DEFB104A: variants seen among roughly 807,000 people sequenced by gnomAD.
The protein encoded by DEFB104A is beta-defensin 104.
chr8:7,837,108 G>C (rs1398461871), intron 1 of DEFB104A, among the ~76,000 whole-genome samples: 1 of 141,048 alleles, frequency 7.1e-6, no homozygotes, highest in East Asian at 2.4e-4. Flanking sequence ...TTTGAACTCT[G>C]CTCAGGAAAT....
Position 7,838,907 on chromosome 8 carries a change from G to C in DEFB104A, c.59-2127G>C, listed in dbSNP as rs571775614. Among the ~76,000 whole-genome samples, 107 of 141,068 alleles carry C rather than the reference G, an allele frequency of 7.6e-4. 4 individuals carry two copies. Among genetic ancestry groups the C allele is most frequent in the Admixed American group, 1.4e-3 (20 of 14,002 alleles). 92.5% of individuals were successfully genotyped at this position (141,068 alleles called of 152,430 possible). A position where few individuals can be genotyped will look rare whatever the true frequency, so the allele number is the denominator to read the frequency against. On this transcript the variant is annotated intron_variant, in intron 1 of 1. Transcript: ENST00000314265. ...CCTGAGACCTGCCTAAGATTTTCTG[G>C]GTCTGTAGAGCAGAGGAGGAAAATT...
chr8:7,836,792 A>T lies in DEFB104A; in HGVS notation c.58+250A>T, dbSNP rs1585696995. ...GAAACGTAGGGATCAGGAGTCCTAG[A>T]TGTCCTTGGCACCCTGGCCACACAC... is the stretch of plus-strand genomic sequence containing the variant. On this transcript the variant is annotated intron_variant, in intron 1 of 1. Coordinates refer to ENST00000314265, the MANE Select transcript of DEFB104A (RefSeq NM_080389.3). Among the ~76,000 whole-genome samples the T allele has an allele frequency of 2.8e-5, 4 of 144,200 alleles. 1 individual carries two copies. In the East Asian group the frequency reaches 6.6e-4, roughly 24 times the overall value. 94.6% of individuals were successfully genotyped at this position (144,200 alleles called of 152,430 possible). A position where few individuals can be genotyped will look rare whatever the true frequency, so the allele number is the denominator to read the frequency against.
intron 1 of DEFB104A, among the ~76,000 whole-genome samples, chr8:7,840,364 A>AGG (rs199760931): frequency 0.13 from 7,688 of 60,668 alleles, 35 homozygotes; most frequent in East Asian, 0.15. Flanking sequence ...CTCTCTATAT[A>AGG]TGTGTATATA....
Position 7,839,378 on chromosome 8 carries a change from C to A in DEFB104A, c.59-1656C>A, listed in dbSNP as rs114733585. On this transcript the variant is annotated intron_variant, in intron 1 of 1. Coordinates refer to ENST00000314265, the MANE Select transcript of DEFB104A (RefSeq NM_080389.3). The stretch of plus-strand genomic sequence containing the variant: ...ATATCTGCTACTCAACCTCCACATA[C>A]TCCCTCAGCATGATACACACTGCAG... Among the ~76,000 whole-genome samples the A allele has an allele frequency of 7.2e-3, 1,038 of 144,250 alleles. 2 individuals carry two copies. Among genetic ancestry groups the A allele is most frequent in the African/African-American group, 0.025 (981 of 39,908 alleles). 94.6% of individuals were successfully genotyped at this position (144,250 alleles called of 152,430 possible).
intron 1 of DEFB104A, among the ~76,000 whole-genome samples, chr8:7,839,736 G>A (rs1382591744): frequency 1.6e-4 from 20 of 123,210 alleles, no homozygotes; most frequent in African/African-American, 4.7e-4. Flanking sequence ...AAGGACTTAA[G>A]GCTAAGATGA....
chr8:7,837,403 C>T (rs1207025067), intron 1 of DEFB104A, among the ~76,000 whole-genome samples: 3 of 142,508 alleles, frequency 2.1e-5, no homozygotes, highest in Admixed American at 7.3e-5. Flanking sequence ...CTTTGACAGA[C>T]ACCCAGCACC....
At chr8:7,836,811 C>T (rs1470474984) in intron 1 of DEFB104A, among the ~76,000 whole-genome samples, 2 of 143,160 alleles carry the variant, frequency 1.4e-5, no homozygotes, top group African/African-American at 5.3e-5. Context: ...GCACCCTGGC[C>T]ACACACGGTA....
chr8:7,837,559 T>C (rs1383399610), intron 1 of DEFB104A, among the ~76,000 whole-genome samples: 3 of 140,652 alleles, frequency 2.1e-5, no homozygotes, highest in Admixed American at 7.4e-5. Context: ...AATTCTGCTA[T>C]GGGCATGTTC....
intron 1 of DEFB104A, among the ~76,000 whole-genome samples, chr8:7,838,701 C>CAAACAAA (rs1554583354): frequency 2.4e-3 from 20 of 8,298 alleles, no homozygotes; most frequent in Non-Finnish European, 9.1e-3. Flanking sequence ...AAAAAACAAA[C>CAAACAAA]AAAAAAAAAA....
chr8:7,836,707 T>C (rs1409537965), intron 1 of DEFB104A, among the ~76,000 whole-genome samples, 165 bp downstream of exon 1: 1 of 146,804 alleles, frequency 6.8e-6, no homozygotes, highest in Non-Finnish European at 1.5e-5. Flanking sequence ...AAATGCAGTA[T>C]GTGGCAGTCC....
rs566399430 is a variant in DEFB104A at position 7,839,344 on chromosome 8, A to G, written c.59-1690A>G. 1.7e-3 allele frequency among the ~76,000 whole-genome samples: 252 copies of G among 145,662 alleles called. 3 individuals carry two copies. The highest frequency in any genetic ancestry group is 6.0e-3 in the African/African-American group (241 of 40,472). ...TAAAGCGACCTGCCACAGATATGTC[A>G]GAAGGCACATATCTGCTACTCAACC... is the stretch of plus-strand genomic sequence containing the variant. On this transcript the variant is annotated intron_variant, in intron 1 of 1. Transcript: ENST00000314265.
rs866070643 is a variant in DEFB104A, at chr8:7,837,327, C to T, written c.58+785C>T. Among the ~76,000 whole-genome samples, 42 of 138,048 alleles carry T rather than the reference C, an allele frequency of 3.0e-4. 1 individual carries two copies. Among genetic ancestry groups the T allele is most frequent in the Admixed American group, 1.2e-3 (16 of 13,078 alleles). The allele number at this position is 138,048 out of a possible 152,430, so 90.6% of individuals were successfully genotyped here. ...AAGTCTAGCAGTGCTGGGACGAAAC[C>T]AATTGTTTTGACTCGTAGAAGCCAT... On this transcript the variant is annotated intron_variant, in intron 1 of 1. Coordinates refer to ENST00000314265, the MANE Select transcript of DEFB104A (RefSeq NM_080389.3).
At chr8:7,837,331 T>C (rs1817669689) in intron 1 of DEFB104A, among the ~76,000 whole-genome samples, 1 of 138,430 alleles carries the variant, frequency 7.2e-6, no homozygotes. Flanking sequence ...CGAAACCAAT[T>C]GTTTTGACTC....
chr8:7,838,585 C>T (rs1468273090), intron 1 of DEFB104A, among the ~76,000 whole-genome samples: 24 of 145,474 alleles, frequency 1.6e-4, no homozygotes, highest in African/African-American at 3.0e-4. Flanking sequence ...GAGGCGGAGG[C>T]AGGAGAATCG....
intron 1 of DEFB104A, among the ~76,000 whole-genome samples, chr8:7,839,063 A>G (rs1380357270): frequency 2.1e-5 from 3 of 143,312 alleles, no homozygotes. Context: ...CTGAGACTGT[A>G]AGACATACCA....
chr8:7,839,059 C>A (rs1280082337), intron 1 of DEFB104A, among the ~76,000 whole-genome samples: 3 of 143,340 alleles, frequency 2.1e-5, no homozygotes, highest in Non-Finnish European at 4.7e-5. Flanking sequence ...TTTACTGAGA[C>A]TGTAAGACAT....
chr8:7,838,762 G>A (rs1489839948), intron 1 of DEFB104A, among the ~76,000 whole-genome samples: 14 of 141,188 alleles, frequency 9.9e-5, no homozygotes, highest in African/African-American at 3.3e-4. Context: ...TCCCTAAAAT[G>A]TATAAAACCA....
intron 1 of DEFB104A, among the ~76,000 whole-genome samples, chr8:7,839,352 C>T (rs1304947120): frequency 6.9e-6 from 1 of 145,504 alleles, no homozygotes; most frequent in African/African-American, 2.5e-5. Context: ...TCAGAAGGCA[C>T]ATATCTGCTA....
chr8:7,841,169 GCT>G lies in DEFB104A; in HGVS notation c.195_196del (p.Leu66ThrfsTer15). Reference sequence around the variant, plus strand: ...TGCTGTTTGAGAAAATGGGATGAGAGCTTACTGAATCGTACAAAACCCTGAAA... The same window carrying G: ...TGCTGTTTGAGAAAATGGGATGAGAGTACTGAATCGTACAAAACCCTGAAA... On this transcript the variant is annotated frameshift_variant, in exon 2 of 2. Coordinates refer to ENST00000314265, the MANE Select transcript of DEFB104A (RefSeq NM_080389.3). LOFTEE classifies it high-confidence loss of function. 6.9e-7 allele frequency: 1 copy of G among 1,453,500 alleles called. No homozygotes were observed. Among genetic ancestry groups the G allele is most frequent in the Non-Finnish European group, 9.5e-7 (1 of 1,055,514 alleles). The allele number at this position is 1,453,500 out of a possible 1,614,324, so 90.0% of individuals were successfully genotyped here.
Sources: allele counts gnomAD v4.1 joint callset (sites outside exome capture counted in the v4.1 genomes callset), GRCh38; gene constraint gnomAD v4.1.1; transcripts MANE v1.5; gene names NCBI Gene and HGNC (gene_info 2026-07-23, HGNC 2026-07-21).